Variants in LPP observed in about 807,000 individuals in gnomAD.
LPP encodes the protein LIM domain containing preferred translocation partner in lipoma.
In LPP, 38 loss-of-function variants were observed where a neutral mutation model predicts 60.4. That is an observed-to-expected ratio of 0.63 (90% CI 0.49 to 0.83). The LOEUF is 0.83. LPP is among the 40% of genes least tolerant of loss of function. LPP has a pLI of 0.00. For synonymous variants in LPP, 328 were observed against 290.8 expected (o/e 1.13, Z -1.30); for missense variants, 902 against 783.6 (o/e 1.15, Z -1.80).
chr3:188,268,167 C>G (rs964283206), intron 2 of LPP, among the ~76,000 whole-genome samples: 2 of 152,032 alleles, frequency 1.3e-5, no homozygotes, highest in Admixed American at 6.6e-5. Flanking sequence ...ACCTTTGTGA[C>G]CACGCTTTAC....
At chr3:188,736,992 A>G (rs188898623) in intron 8 of LPP, among the ~76,000 whole-genome samples, 5 of 152,236 alleles carry the variant, frequency 3.3e-5, no homozygotes, top group Admixed American at 2.6e-4. Flanking sequence ...TTAAATTTGT[A>G]TATTCAGTAT....
At chr3:188,515,281 C>T (rs530773356) in intron 5 of LPP, among the ~76,000 whole-genome samples, 9 of 152,016 alleles carry the variant, frequency 5.9e-5, no homozygotes, top group Admixed American at 1.3e-4. Flanking sequence ...AGTGTGGTAC[C>T]TCTCCCCAAG....
chr3:188,708,558 C>G (rs1865935795), intron 8 of LPP, 165 bp downstream of exon 8: 4 of 889,206 alleles, frequency 4.5e-6, no homozygotes, highest in Non-Finnish European at 7.1e-6. Context: ...TTTGCATTTG[C>G]AAGACTGCCA....
chr3:188,325,354 G>A (rs1005909526), intron 2 of LPP, among the ~76,000 whole-genome samples: 6 of 152,072 alleles, frequency 3.9e-5, no homozygotes, highest in Non-Finnish European at 5.9e-5. Context: ...TTAGCCCTCT[G>A]TATAAGCCAA....
intron 1 of LPP, among the ~76,000 whole-genome samples, chr3:188,191,467 G>A (rs1728163628): frequency 6.6e-6 from 1 of 152,210 alleles, no homozygotes; most frequent in African/African-American, 2.4e-5. Flanking sequence ...CATTAAAGGT[G>A]TGGAGCCAAG....
At chr3:188,179,467 C>A (rs781353708) in intron 1 of LPP, 1 of 457,764 alleles carries the variant, frequency 2.2e-6, no homozygotes. Context: ...GAGCTCCTTC[C>A]CTTCTGGGGC....
rs371929810 is a variant in LPP at position 188,874,805 on chromosome 3, T to C, written c.*326T>C. 1.1e-4 allele frequency: 28 copies of C among 258,096 alleles called. No homozygotes were observed. Among genetic ancestry groups the C allele is most frequent in the Admixed American group, 5.1e-4 (10 of 19,706 alleles). 16.0% of individuals were successfully genotyped at this position (258,096 alleles called of 1,614,324 possible). A position where few individuals can be genotyped will look rare whatever the true frequency, so the allele number is the denominator to read the frequency against. Reference sequence around the variant, plus strand: ...TCACTTTTCATCTGGTTGAATGGCTTTTCTTAGTGTGGTATTTGCTGTCAC... The same window carrying C: ...TCACTTTTCATCTGGTTGAATGGCTCTTCTTAGTGTGGTATTTGCTGTCAC... On this transcript the variant is annotated 3_prime_UTR_variant, in exon 12 of 12. Coordinates refer to ENST00000617246, the MANE Select transcript of LPP (RefSeq NM_001375462.1).
intron 5 of LPP, among the ~76,000 whole-genome samples, chr3:188,518,458 C>G (rs1477969330): frequency 6.6e-6 from 1 of 152,164 alleles, no homozygotes; most frequent in Non-Finnish European, 1.5e-5. Context: ...TCAGGGAAAG[C>G]TTTTCTAATT....
chr3:188,502,527 T>A (rs377654675), intron 5 of LPP, among the ~76,000 whole-genome samples: 1 of 152,312 alleles, frequency 6.6e-6, no homozygotes, highest in South Asian at 2.1e-4. Flanking sequence ...GTAGACAACA[T>A]ATATTTGGGT....
At chr3:188,748,111 C>A (rs1162115631) in intron 8 of LPP, among the ~76,000 whole-genome samples, 1 of 152,084 alleles carries the variant, frequency 6.6e-6, no homozygotes, top group African/African-American at 2.4e-5. Context: ...TACATCTGCT[C>A]CATCGTACTG....
chr3:188,588,643 T>C (rs1263222683), intron 6 of LPP, among the ~76,000 whole-genome samples: 4 of 152,226 alleles, frequency 2.6e-5, no homozygotes, highest in African/African-American at 9.6e-5. Flanking sequence ...CTTCCTCACT[T>C]ATATGTAAAG....
chr3:188,545,694 C>T (rs1424137968), intron 6 of LPP, among the ~76,000 whole-genome samples: 1 of 152,082 alleles, frequency 6.6e-6, no homozygotes, highest in Non-Finnish European at 1.5e-5. Flanking sequence ...CCTCTACAGG[C>T]TCCTAGGGCT....
chr3:188,790,821 CA>C (rs11433572), intron 9 of LPP, among the ~76,000 whole-genome samples: 20 of 146,436 alleles, frequency 1.4e-4, no homozygotes, highest in Admixed American at 1.4e-4. Context: ...ACTCTGTCTC[CA>C]AAAAAAAAAA....
rs534902893 is a variant in LPP at position 188,311,337 on chromosome 3, G to T, written c.-66-30326G>T. On this transcript the variant is annotated intron_variant, in intron 2 of 11. Coordinates refer to ENST00000617246, the MANE Select transcript of LPP (RefSeq NM_001375462.1). ...AAAAATGAAATAAAACAATTAGTTG[G>T]TCATGATGGTGTACACCTGTAGTCC... Among the ~76,000 whole-genome samples the T allele has an allele frequency of 1.2e-4, 19 of 152,096 alleles. No individual in the cohort carries two copies. In the South Asian group the frequency reaches 1.7e-3, roughly 13 times the overall value.
At chr3:188,654,126 A>G (rs776062979) in intron 7 of LPP, among the ~76,000 whole-genome samples, 1 of 152,260 alleles carries the variant, frequency 6.6e-6, no homozygotes, top group African/African-American at 2.4e-5. Context: ...GGAGCTAGGA[A>G]AAGTACTGTG....
At chr3:188,254,917 C>T (rs1280474277) in intron 2 of LPP, among the ~76,000 whole-genome samples, 3 of 152,182 alleles carry the variant, frequency 2.0e-5, no homozygotes, top group Admixed American at 2.0e-4. Context: ...ACCACAGTGT[C>T]TCCTTTCTCT....
At chr3:188,180,147 C>T (rs1724502906) in intron 1 of LPP, 1 of 153,492 alleles carries the variant, frequency 6.5e-6, no homozygotes. Context: ...CTTCCGCGCT[C>T]CCTGACTCTG....
At chr3:188,571,661 G>A (rs569027777) in intron 6 of LPP, among the ~76,000 whole-genome samples, 1 of 152,178 alleles carries the variant, frequency 6.6e-6, no homozygotes, top group South Asian at 2.1e-4. Flanking sequence ...ATTATGAGAA[G>A]TCATACAGCG....
Position 188,548,239 on chromosome 3 carries a change from G to A in LPP, c.429+23452G>A, listed in dbSNP as rs183052086. Among the ~76,000 whole-genome samples the A allele has an allele frequency of 1.2e-3, 189 of 152,232 alleles. No individual in the cohort carries two copies. In the South Asian group the frequency reaches 0.013, roughly 10 times the overall value. ...TAACTCACTTTTTGATTTTTAGCAG[G>A]CAAGCTATTTCACTTCTCTTGTGCC... On this transcript the variant is annotated intron_variant, in intron 6 of 11. Transcript: ENST00000617246.
Sources: allele counts gnomAD v4.1 joint callset (sites outside exome capture counted in the v4.1 genomes callset), GRCh38; gene constraint gnomAD v4.1.1; transcripts MANE v1.5; gene names NCBI Gene and HGNC (gene_info 2026-07-23, HGNC 2026-07-21).